MAEA: variants seen among roughly 807,000 people sequenced by gnomAD.
MAEA encodes E3 ubiquitin-protein transferase MAEA.
Under a neutral mutation model 46.2 loss-of-function variants are expected in MAEA, and 22 were observed. The ratio of observed to expected loss-of-function variants is 0.48; its 90% CI spans 0.34 to 0.68. The LOEUF (loss-of-function observed/expected upper bound fraction) is 0.68, where lower values mean the gene tolerates loss of function less well. Among genes scored for constraint, MAEA ranks in the 30% least tolerant of loss-of-function variants. MAEA has a pLI of 0.01. For synonymous variants in MAEA, 246 were observed against 222.6 expected (o/e 1.11, Z -0.94); for missense variants, 393 against 558.1 (o/e 0.70, Z 2.98).
chr4:1,290,401 T>C (rs1176230077), intron 1 of MAEA, among the ~76,000 whole-genome samples: 1 of 151,912 alleles, frequency 6.6e-6, no homozygotes, highest in Non-Finnish European at 1.5e-5. Context: ...GCTGCGCCGG[T>C]CGCTAGTTAG....
intron 1 of MAEA, among the ~76,000 whole-genome samples, chr4:1,293,714 A>G (rs922707481): frequency 1.3e-4 from 20 of 152,326 alleles, no homozygotes; most frequent in South Asian, 6.2e-4. Flanking sequence ...TCCTCTCCCC[A>G]GAGGACAGGC....
At chr4:1,294,323 G>A (rs1455653306) in intron 1 of MAEA, among the ~76,000 whole-genome samples, 1 of 152,228 alleles carries the variant, frequency 6.6e-6, no homozygotes, top group Non-Finnish European at 1.5e-5. Context: ...GGCCTTTCCA[G>A]CTGGTTGGGC....
chr4:1,303,012 C>T (rs1481443959), intron 1 of MAEA, among the ~76,000 whole-genome samples: 1 of 151,964 alleles, frequency 6.6e-6, no homozygotes, highest in Non-Finnish European at 1.5e-5. Flanking sequence ...CCTGGCCGTT[C>T]TTCAGGTGAC....
intron 1 of MAEA, chr4:1,309,867 C>G (rs912483214): frequency 1.5e-6 from 2 of 1,302,874 alleles, no homozygotes; most frequent in Non-Finnish European, 2.0e-6. Flanking sequence ...GCGTCAGCAC[C>G]GCGGTGAGGC....
At chr4:1,321,991 A>G (rs891663088) in intron 3 of MAEA, among the ~76,000 whole-genome samples, 1 of 151,926 alleles carries the variant, frequency 6.6e-6, no homozygotes, top group Non-Finnish European at 1.5e-5. Flanking sequence ...TGATTTTGAA[A>G]TGAGGGGGCT....
chr4:1,297,890 T>C, intron 1 of MAEA: 1 of 424,790 alleles, frequency 2.4e-6, no homozygotes. Context: ...GTTTCCTTTC[T>C]CCCTTGCCTC....
chr4:1,327,029 C>T (rs952544166), intron 4 of MAEA, among the ~76,000 whole-genome samples: 9 of 152,152 alleles, frequency 5.9e-5, no homozygotes, highest in Admixed American at 3.9e-4. Context: ...CTGCTCCAAG[C>T]TTGCTTCTCT....
At chr4:1,334,952 C>G in intron 6 of MAEA, 1 of 985,244 alleles carries the variant, frequency 1.0e-6, no homozygotes, top group Non-Finnish European at 1.2e-6. Context: ...TGGTGTTTAC[C>G]CTAAACTGAG....
chr4:1,309,960 G>A (rs1736280518), intron 1 of MAEA: 3 of 1,252,708 alleles, frequency 2.4e-6, no homozygotes, highest in Admixed American at 3.9e-5. Context: ...CGTCCAGAGA[G>A]GCCTTTCCTT....
chr4:1,315,270 T>C, intron 2 of MAEA, 127 bp from the exon 3 acceptor site: 1 of 890,066 alleles, frequency 1.1e-6, no homozygotes, highest in Non-Finnish European at 1.7e-6. Flanking sequence ...GAGCACGGTT[T>C]TTTTTCTGTC....
At chr4:1,335,252 C>G in intron 6 of MAEA, 3 of 985,470 alleles carry the variant, frequency 3.0e-6, no homozygotes, top group Non-Finnish European at 3.6e-6. Flanking sequence ...GTTTTTACAC[C>G]TAATGCTCTG....
intron 7 of MAEA, chr4:1,338,065 C>G (rs1264821167): frequency 1.2e-5 from 3 of 247,676 alleles, no homozygotes; most frequent in Non-Finnish European, 2.4e-5. Context: ...GCGTGCTTGC[C>G]CACTGCCTGT....
At position 1,322,943 on chromosome 4, in the gene MAEA, C is replaced by CCTTTTTTTTTTTTTTTTTTT. The variant is rs1560368750; in HGVS notation, c.579+440_579+441insCTTTTTTTTTTTTTTTTTTT. Among the ~76,000 whole-genome samples, 15 of 75,246 alleles carry CCTTTTTTTTTTTTTTTTTTT rather than the reference C, an allele frequency of 2.0e-4. 5 individuals carry two copies. The highest frequency in any genetic ancestry group is 1.7e-4 in the Non-Finnish European group (7 of 41,994). The allele number at this position is 75,246 out of a possible 152,430, so 49.4% of individuals were successfully genotyped here. ...CTGTGATATTGTTAATGAATACCCACTTTTTTTTTTTTTTTTTTTTTTTTT... is the reference window on the plus strand; with the variant it reads ...CTGTGATATTGTTAATGAATACCCACCTTTTTTTTTTTTTTTTTTTTTTTTTTTTTTTTTTTTTTTTTTTT... On this transcript the variant is annotated intron_variant, in intron 4 of 8. Coordinates refer to ENST00000303400, the MANE Select transcript of MAEA (RefSeq NM_001017405.3).
chr4:1,302,514 C>CA (rs1735413644), intron 1 of MAEA, among the ~76,000 whole-genome samples: 3 of 152,232 alleles, frequency 2.0e-5, no homozygotes, highest in African/African-American at 7.2e-5. Context: ...CTCACTCTGT[C>CA]ACCAGGCTGG....
At chr4:1,309,021 G>C (rs1421223402) in intron 1 of MAEA, among the ~76,000 whole-genome samples, 1 of 152,160 alleles carries the variant, frequency 6.6e-6, no homozygotes, top group Non-Finnish European at 1.5e-5. Context: ...ATTTGGGCGA[G>C]CTGTATCTTC....
intron 1 of MAEA, among the ~76,000 whole-genome samples, chr4:1,293,208 AG>A (rs1381713260): frequency 7.0e-6 from 1 of 143,632 alleles, no homozygotes; most frequent in African/African-American, 2.8e-5. Flanking sequence ...ATTTTGTAAA[AG>A]GTTTTTTTTT....
chr4:1,321,785 C>T (rs1362831073), intron 3 of MAEA, among the ~76,000 whole-genome samples: 2 of 152,112 alleles, frequency 1.3e-5, no homozygotes, highest in African/African-American at 2.4e-5. Context: ...ACCATGGGTT[C>T]CACTGCTAGG....
rs769662834 is a variant in MAEA at position 1,315,486 on chromosome 4, C to G, written c.342C>G (p.Pro114=). 3.1e-6 allele frequency: 5 copies of G among 1,613,784 alleles called. No homozygotes were observed. Among genetic ancestry groups the G allele is most frequent in the African/African-American group, 1.3e-5 (1 of 74,928 alleles). ...TCAAAGAGCATAGCAGCGACCAGCC[C>G]GCGGCGGCCAGCGTGTGGAAGAGGA... ...EHLKEHSSDQ[P]AAASVWKRKR... is the part of the protein sequence containing the mutation. Residue 114 remains proline (P), a synonymous_variant, in exon 3 of 9, where the codon CCC becomes CCG. Transcript: ENST00000303400.
chr4:1,300,599 C>T (rs73796070), intron 1 of MAEA, among the ~76,000 whole-genome samples: 3,148 of 152,348 alleles, frequency 0.021, 123 homozygotes, highest in African/African-American at 0.071. Flanking sequence ...TGCCGGCTTC[C>T]GAGGCTGGGG....
Sources: gnomAD v4.1 joint callset for allele counts (sites outside exome capture counted in the v4.1 genomes callset) on GRCh38, gnomAD v4.1.1 for gene constraint, MANE v1.5 for transcripts, NCBI Gene and HGNC (gene_info 2026-07-23, HGNC 2026-07-21) for gene names.